Variants in BICC1 observed in about 807,000 individuals in gnomAD.
The protein encoded by BICC1 is protein bicaudal C homolog 1.
Under a neutral mutation model 111.0 loss-of-function variants are expected in BICC1, and 43 were observed. That is an observed-to-expected ratio of 0.39 (90% CI 0.30 to 0.50). The LOEUF (loss-of-function observed/expected upper bound fraction) is 0.50. Ranked by LOEUF, BICC1 falls within the 20% of genes least tolerant of loss-of-function variation. BICC1 has a pLI of 0.88. For missense variants in BICC1, 1,091 were observed against 1,203.2 expected, an observed-to-expected ratio of 0.91 and a Z score of 1.38; for synonymous variants, 467 against 434.4, an observed-to-expected ratio of 1.07 and a Z score of -0.93.
At chr10:58,538,220 A>G (rs1158337929) in intron 1 of BICC1, among the ~76,000 whole-genome samples, 1 of 152,010 alleles carries the variant, frequency 6.6e-6, no homozygotes, top group Non-Finnish European at 1.5e-5. Context: ...CCTAACTTCA[A>G]AATACACTAC....
chr10:58,728,005 T>C (rs1564577932), intron 3 of BICC1, among the ~76,000 whole-genome samples: 1 of 152,256 alleles, frequency 6.6e-6, no homozygotes, highest in Non-Finnish European at 1.5e-5. Context: ...ATCTGAGCTT[T>C]CAGTGAGTCT....
At chr10:58,533,576 T>A (rs1842738867) in intron 1 of BICC1, among the ~76,000 whole-genome samples, 1 of 151,766 alleles carries the variant, frequency 6.6e-6, no homozygotes, top group African/African-American at 2.4e-5. Context: ...CAATCAAGAA[T>A]AGTATATATG....
At chr10:58,563,685 TG>T (rs1326799869) in intron 1 of BICC1, among the ~76,000 whole-genome samples, 1 of 152,194 alleles carries the variant, frequency 6.6e-6, no homozygotes, top group East Asian at 1.9e-4. Flanking sequence ...ACATGTTCTT[TG>T]CTTTTGACTA....
At chr10:58,790,576 C>G in intron 8 of BICC1, among the ~76,000 whole-genome samples, 1 of 152,090 alleles carries the variant, frequency 6.6e-6, no homozygotes, top group East Asian at 1.9e-4. Context: ...GCCTGTAATC[C>G]CAGCACTTTG....
chr10:58,692,909 G>A (rs1260578246), intron 2 of BICC1, among the ~76,000 whole-genome samples: 1 of 150,252 alleles, frequency 6.7e-6, no homozygotes, highest in East Asian at 2.0e-4. Context: ...TGTGCACAAC[G>A]TGCAGGTTTG....
At chr10:58,655,188 A>G (rs1838594316) in intron 2 of BICC1, among the ~76,000 whole-genome samples, 1 of 143,494 alleles carries the variant, frequency 7.0e-6, no homozygotes, top group Non-Finnish European at 1.5e-5. Context: ...TTCCATATGA[A>G]CTTTAAAGTA....
In BICC1 at chr10:58,743,040, T is replaced by C. The variant is rs137973023; in HGVS notation, c.307+40897T>C. Among the ~76,000 whole-genome samples the C allele has an allele frequency of 2.5e-3, 387 of 152,314 alleles. 3 individuals are homozygous for C. The highest frequency in any genetic ancestry group is 8.8e-3 in the African/African-American group (364 of 41,584). On this transcript the variant is annotated intron_variant, in intron 3 of 20. Coordinates refer to ENST00000373886, the MANE Select transcript of BICC1 (RefSeq NM_001080512.3). ...GTTAATGTAAATTCATAAGTCATTT[T>C]TGCCAGGTGGCAATTGAACCTGGTT... is the stretch of plus-strand genomic sequence containing the variant.
rs531276063 is a variant in BICC1 at position 58,629,033 on chromosome 10, C to T, written c.237+8132C>T. ...GAAAGCCTCACTCTGGGAGATTTCA[C>T]ATGGTTTGGACATTGAATTGATAGT... On this transcript the variant is annotated intron_variant, in intron 2 of 20. Coordinates refer to ENST00000373886, the MANE Select transcript of BICC1 (RefSeq NM_001080512.3). 6.6e-5 allele frequency among the ~76,000 whole-genome samples: 10 copies of T among 152,278 alleles called. No individual in the cohort carries two copies. In the South Asian group the frequency reaches 8.3e-4, roughly 13 times the overall value.
Position 58,667,549 on chromosome 10 carries a change from G to A in BICC1, c.238-34525G>A, listed in dbSNP as rs549054079. On this transcript the variant is annotated intron_variant, in intron 2 of 20. Transcript: ENST00000373886. Reference sequence around the variant, plus strand: ...TACCAATACCAAAACACACTTTTAAGTACTCTTTTTTTTTGGCAGCTCCTT... The same window carrying A: ...TACCAATACCAAAACACACTTTTAAATACTCTTTTTTTTTGGCAGCTCCTT... Among the ~76,000 whole-genome samples the A allele has an allele frequency of 9.2e-5, 14 of 152,050 alleles. No individual in the cohort carries two copies. The South Asian group carries it at 1.9e-3, about 20-fold the overall frequency.
At chr10:58,602,970 T>C (rs556946160) in intron 1 of BICC1, among the ~76,000 whole-genome samples, 1 of 152,320 alleles carries the variant, frequency 6.6e-6, no homozygotes, top group East Asian at 1.9e-4. Context: ...CCTGCTGATT[T>C]ACTTTAGCAC....
chr10:58,753,704 A>G (rs942710729), intron 3 of BICC1, among the ~76,000 whole-genome samples: 3 of 151,842 alleles, frequency 2.0e-5, no homozygotes, highest in Middle Eastern at 6.3e-3. Flanking sequence ...ACACACACAC[A>G]CAGTCTCTTT....
At chr10:58,582,180 G>A (rs1282096576) in intron 1 of BICC1, among the ~76,000 whole-genome samples, 5 of 152,092 alleles carry the variant, frequency 3.3e-5, no homozygotes, top group African/African-American at 1.2e-4. Context: ...GTTGGTTTTA[G>A]TGGATGTTAG....
At chr10:58,645,550 C>G (rs1350122410) in intron 2 of BICC1, among the ~76,000 whole-genome samples, 1 of 151,654 alleles carries the variant, frequency 6.6e-6, no homozygotes, top group African/African-American at 2.4e-5. Flanking sequence ...TCAACAAACA[C>G]AAAAGACATT....
chr10:58,736,466 G>A (rs1305872001), intron 3 of BICC1, among the ~76,000 whole-genome samples: 1 of 152,040 alleles, frequency 6.6e-6, no homozygotes. Context: ...GTTTTTCCTT[G>A]CACTTAGTCT....
intron 3 of BICC1, among the ~76,000 whole-genome samples, chr10:58,743,436 A>G (rs1841732756): frequency 6.8e-6 from 1 of 146,090 alleles, no homozygotes; most frequent in Non-Finnish European, 1.5e-5. Flanking sequence ...CTCTCTCTAA[A>G]TTTTTATTTC....
intron 1 of BICC1, among the ~76,000 whole-genome samples, chr10:58,558,408 A>G (rs1357390593): frequency 6.6e-6 from 1 of 152,020 alleles, no homozygotes; most frequent in Non-Finnish European, 1.5e-5. Flanking sequence ...ACCTTGCTTC[A>G]TGCTTTTCGC....
chr10:58,534,086 T>G (rs1424733641), intron 1 of BICC1, among the ~76,000 whole-genome samples: 1 of 151,798 alleles, frequency 6.6e-6, no homozygotes, highest in East Asian at 1.9e-4. Flanking sequence ...AAAAAAGATA[T>G]TCCATGCAAA....
At chr10:58,627,955 C>G (rs2132162912) in intron 2 of BICC1, among the ~76,000 whole-genome samples, 1 of 152,180 alleles carries the variant, frequency 6.6e-6, no homozygotes, top group African/African-American at 2.4e-5. Context: ...AAAAATCATA[C>G]TTTTTGGAAA....
At chr10:58,772,466 A>G (rs1842645251) in intron 3 of BICC1, among the ~76,000 whole-genome samples, 1 of 152,206 alleles carries the variant, frequency 6.6e-6, no homozygotes, top group South Asian at 2.1e-4. Flanking sequence ...AATTGCTGAC[A>G]TTATATTAAA....
Sources: allele counts gnomAD v4.1 joint callset (sites outside exome capture counted in the v4.1 genomes callset), GRCh38; gene constraint gnomAD v4.1.1; transcripts MANE v1.5; gene names NCBI Gene and HGNC (gene_info 2026-07-23, HGNC 2026-07-21).